Variants in RNF24 observed in about 807,000 individuals in gnomAD.
RNF24 encodes ring finger protein 24.
In RNF24, 14 loss-of-function variants were observed where a neutral mutation model predicts 20.0. The observed-to-expected ratio is 0.70, with a 90% CI of 0.46 to 1.10. The LOEUF (loss-of-function observed/expected upper bound fraction) is 1.10, where lower values mean the gene tolerates loss of function less well. Among genes scored for constraint, RNF24 ranks in the 50% least tolerant of loss-of-function variants. RNF24 has a pLI of 0.00. For missense variants in RNF24, 124 were observed against 177.6 expected, an observed-to-expected ratio of 0.70 and a Z score of 1.71; for synonymous variants, 45 against 61.1, an observed-to-expected ratio of 0.74 and a Z score of 1.23.
In RNF24 at chr20:3,934,084, A is replaced by G. The variant is rs1490298869; in HGVS notation, c.426T>C (p.Pro142=). The G allele has an allele frequency of 1.3e-6, 2 of 1,510,504 alleles. No homozygotes were observed. The highest frequency in any genetic ancestry group is 1.8e-6 in the Non-Finnish European group (2 of 1,132,064). The allele number at this position is 1,510,504 out of a possible 1,614,324, so 93.6% of individuals were successfully genotyped here. ...QDRGPPQGPL[P]GAENIV ...TAAGCTATACAATGTTCTCTGCCCC[A>G]GGAAGGGGCCCCTGAGGGGGTCCAC... Residue 142 remains proline, a synonymous_variant, in exon 6 of 6, where the codon CCT becomes CCC. Coordinates refer to ENST00000358395, the MANE Select transcript of RNF24 (RefSeq NM_001134337.3). This position sits in a 1 kb window ranked among gnomAD's most constrained non-coding sequence, Gnocchi z 4.0.
rs569711280 is a variant in RNF24 at position 3,986,256 on chromosome 20, TCCTTCCTC to T, written c.-7-22240_-7-22233del. ...TCCTTCCTTCCTTTTCCTCCTTGCC[TCCTTCCTC>T]CCTTCCTCCCTCCCTCCTCACTCTG... On this transcript the variant is annotated intron_variant, in intron 1 of 5. Coordinates refer to ENST00000358395, the MANE Select transcript of RNF24 (RefSeq NM_001134337.3). 2.5e-3 allele frequency among the ~76,000 whole-genome samples: 374 copies of T among 152,146 alleles called. 4 individuals are homozygous for T. Among genetic ancestry groups the T allele is most frequent in the Non-Finnish European group, 2.4e-3 (161 of 67,984 alleles).
In RNF24 at chr20:4,002,998, C is replaced by A. The variant is rs533619886; in HGVS notation, c.-8+12439G>T. Among the ~76,000 whole-genome samples the A allele has an allele frequency of 1.6e-3, 239 of 152,294 alleles. 1 individual carries two copies. Among genetic ancestry groups the A allele is most frequent in the African/African-American group, 5.5e-3 (229 of 41,558 alleles). Reference sequence around the variant, plus strand: ...TTTCTTTTTTCTTTTCTGAGACAGTCTCACTCTGTCACCCAAGCTGGGGTG... The same window carrying A: ...TTTCTTTTTTCTTTTCTGAGACAGTATCACTCTGTCACCCAAGCTGGGGTG... On this transcript the variant is annotated intron_variant, in intron 1 of 5. Transcript: ENST00000358395.
intron 1 of RNF24, among the ~76,000 whole-genome samples, chr20:3,994,431 T>G (rs1437773526): frequency 3.9e-5 from 6 of 152,222 alleles, no homozygotes; most frequent in Admixed American, 3.9e-4. Context: ...CAACTCTGTT[T>G]AATGGAGCAG....
chr20:3,991,898 G>A (rs781434664), intron 1 of RNF24, among the ~76,000 whole-genome samples: 8 of 151,804 alleles, frequency 5.3e-5, no homozygotes, highest in Non-Finnish European at 8.8e-5. Context: ...TGAGATTGCC[G>A]TTTCATGAAT....
intron 1 of RNF24, among the ~76,000 whole-genome samples, chr20:3,982,813 C>T (rs765441119): frequency 2.0e-5 from 3 of 152,146 alleles, no homozygotes; most frequent in South Asian, 4.2e-4. Context: ...TGCTTAGGCC[C>T]GGGAAGTCAA....
chr20:3,976,093 A>G (rs1462479282), intron 1 of RNF24, among the ~76,000 whole-genome samples: 1 of 152,132 alleles, frequency 6.6e-6, no homozygotes, highest in East Asian at 1.9e-4. Context: ...GGCCACCAAC[A>G]TCTTGATTTC....
chr20:3,942,671 C>T (rs1450422448), intron 4 of RNF24, among the ~76,000 whole-genome samples: 1 of 152,124 alleles, frequency 6.6e-6, no homozygotes, highest in Non-Finnish European at 1.5e-5. Context: ...GACGGGGTTT[C>T]ACCATGTTAG....
At chr20:3,946,434 A>G (rs781646161) in intron 3 of RNF24, among the ~76,000 whole-genome samples, 71 of 152,188 alleles carry the variant, frequency 4.7e-4, no homozygotes, top group Non-Finnish European at 7.9e-4. Context: ...AGCCTGCGTG[A>G]CAGAAGCGAG....
intron 4 of RNF24, among the ~76,000 whole-genome samples, chr20:3,936,350 T>C (rs1166317557): frequency 6.6e-6 from 1 of 152,210 alleles, no homozygotes; most frequent in East Asian, 1.9e-4. Context: ...CACAGAGCTC[T>C]GTTCCTTCAT....
chr20:3,942,431 A>G (rs910542946), intron 4 of RNF24, among the ~76,000 whole-genome samples: 2 of 151,844 alleles, frequency 1.3e-5, no homozygotes, highest in African/African-American at 4.8e-5. Context: ...AGCCTCCCAA[A>G]AAGTTGGAAT....
chr20:3,942,293 T>A (rs2090966494), intron 4 of RNF24, among the ~76,000 whole-genome samples: 1 of 145,888 alleles, frequency 6.9e-6, no homozygotes, highest in Admixed American at 6.8e-5. Flanking sequence ...CTCAGCCTCC[T>A]AAGTAGCTGG....
intron 1 of RNF24, among the ~76,000 whole-genome samples, chr20:4,006,861 G>T (rs1981912338): frequency 6.6e-6 from 1 of 152,240 alleles, no homozygotes; most frequent in Admixed American, 6.5e-5. Flanking sequence ...TCTTGGGCCA[G>T]CTGGCATGGA....
intron 2 of RNF24, among the ~76,000 whole-genome samples, chr20:3,955,516 A>C (rs764767185): frequency 4.6e-5 from 7 of 152,120 alleles, no homozygotes; most frequent in Non-Finnish European, 8.8e-5. Flanking sequence ...CCAGTACCAC[A>C]ATTTTTTGAT....
intron 1 of RNF24, among the ~76,000 whole-genome samples, chr20:3,989,023 A>C (rs1008110102): frequency 2.0e-5 from 3 of 152,232 alleles, no homozygotes; most frequent in African/African-American, 7.2e-5. Context: ...CTTGGTTGTA[A>C]AGACGCTAAA....
chr20:4,011,100 A>T (rs1007639284), intron 1 of RNF24, among the ~76,000 whole-genome samples: 7 of 152,260 alleles, frequency 4.6e-5, no homozygotes, highest in African/African-American at 1.7e-4. Flanking sequence ...TGTCAGGAAC[A>T]CCAGGGATAA....
intron 1 of RNF24, among the ~76,000 whole-genome samples, chr20:4,013,564 T>G (rs1367152973): frequency 6.6e-6 from 1 of 152,128 alleles, no homozygotes; most frequent in Non-Finnish European, 1.5e-5. Flanking sequence ...CACTGCAACC[T>G]CCGCCTCCGG....
intron 1 of RNF24, among the ~76,000 whole-genome samples, chr20:4,010,545 T>A (rs1982378623): frequency 6.6e-6 from 1 of 152,230 alleles, no homozygotes; most frequent in Non-Finnish European, 1.5e-5. Context: ...AAGCTCAAGT[T>A]AGTTTCTTTT....
At chr20:3,999,693 G>A (rs1403444110) in intron 1 of RNF24, among the ~76,000 whole-genome samples, 3 of 152,348 alleles carry the variant, frequency 2.0e-5, no homozygotes, top group South Asian at 4.1e-4. Context: ...GGCGGAGGTT[G>A]CAGTGAGCCG....
chr20:4,000,167 T>C (rs1981270216), intron 1 of RNF24, among the ~76,000 whole-genome samples: 1 of 152,154 alleles, frequency 6.6e-6, no homozygotes, highest in African/African-American at 2.4e-5. Flanking sequence ...GGGATATAAA[T>C]TATGTCTCAA....
Sources: gnomAD v4.1 joint callset for allele counts (sites outside exome capture counted in the v4.1 genomes callset) on GRCh38, gnomAD v4.1.1 for gene constraint, Gnocchi (gnomAD v3.1) non-coding constraint, MANE v1.5 for transcripts, NCBI Gene and HGNC (gene_info 2026-07-23, HGNC 2026-07-21) for gene names.